ATRNL1: variants seen among roughly 807,000 people sequenced by gnomAD.
ATRNL1 encodes attractin-like protein 1.
A neutral mutation model predicts 182.7 loss-of-function variants in ATRNL1; 95 were observed. The observed-to-expected ratio is 0.52, with a 90% CI of 0.44 to 0.62. The LOEUF (loss-of-function observed/expected upper bound fraction) is 0.62, where lower values mean the gene tolerates loss of function less well. Ranked by LOEUF, ATRNL1 falls within the 20% of genes least tolerant of loss-of-function variation. The pLI, the probability that ATRNL1 is intolerant of heterozygous loss-of-function variation, is 0.00. For synonymous variants in ATRNL1, 576 were observed against 568.3 expected, an observed-to-expected ratio of 1.01 and a Z score of -0.19; for missense variants, 1,471 against 1,679.5, an observed-to-expected ratio of 0.88 and a Z score of 2.17.
At chr10:115,867,772 C>G (rs1555105100) in intron 28 of ATRNL1, among the ~76,000 whole-genome samples, 1 of 147,992 alleles carries the variant, frequency 6.8e-6, no homozygotes, top group East Asian at 2.0e-4. Context: ...AAGTCTCACT[C>G]TGTCGCCCAG....
intron 26 of ATRNL1, among the ~76,000 whole-genome samples, chr10:115,558,103 T>C (rs531390982): frequency 1.3e-5 from 2 of 152,082 alleles, no homozygotes; most frequent in East Asian, 3.9e-4. Flanking sequence ...GGAAATAGTT[T>C]TAAGTGCATA....
Position 115,126,562 on chromosome 10 carries a change from A to G in ATRNL1, c.492-1031A>G, listed in dbSNP as rs118176837. 5.1e-3 allele frequency among the ~76,000 whole-genome samples: 783 copies of G among 152,328 alleles called. 4 individuals carry two copies. The highest frequency in any genetic ancestry group is 0.016 in the South Asian group (79 of 4,828). On this transcript the variant is annotated intron_variant, in intron 3 of 28. Transcript: ENST00000355044. ...ATTTGTTGCTTCACAAACATAACCT[A>G]GTAGATGTAATAATAATTACTAAAG...
intron 26 of ATRNL1, among the ~76,000 whole-genome samples, chr10:115,721,780 A>G (rs1947434251): frequency 6.6e-6 from 1 of 152,170 alleles, no homozygotes; most frequent in Non-Finnish European, 1.5e-5. Context: ...ATTTTAGAGG[A>G]TATTTTGAAA....
At chr10:115,327,877 T>C (rs996017583) in intron 18 of ATRNL1, among the ~76,000 whole-genome samples, 34 of 151,878 alleles carry the variant, frequency 2.2e-4, no homozygotes, top group Non-Finnish European at 4.1e-4. Context: ...TAGGTGGGAA[T>C]TGAACAATGA....
At chr10:115,589,967 T>C (rs1429216090) in intron 26 of ATRNL1, among the ~76,000 whole-genome samples, 1 of 152,184 alleles carries the variant, frequency 6.6e-6, no homozygotes, top group Non-Finnish European at 1.5e-5. Flanking sequence ...CAGCTTTGTG[T>C]TGGTTGTCTG....
rs535893436 is a variant in ATRNL1, at chr10:115,531,660, T to C, written c.3716+12336T>C. ...AGATCCCATTTGTCAATTTTGGCTT[T>C]TGTTGCCATTGCTTTTGGTGTTTTA... On this transcript the variant is annotated intron_variant, in intron 25 of 28. Transcript: ENST00000355044. 1.1e-4 allele frequency among the ~76,000 whole-genome samples: 16 copies of C among 150,896 alleles called. No individual in the cohort carries two copies. The South Asian group carries it at 1.1e-3, about 10-fold the overall frequency.
At chr10:115,582,112 T>C (rs1239732927) in intron 26 of ATRNL1, among the ~76,000 whole-genome samples, 3 of 152,178 alleles carry the variant, frequency 2.0e-5, no homozygotes, top group East Asian at 3.9e-4. Flanking sequence ...CCATGGTGTA[T>C]GTGTGCCACA....
intron 19 of ATRNL1, among the ~76,000 whole-genome samples, chr10:115,334,816 T>C (rs1304598255): frequency 6.6e-6 from 1 of 152,146 alleles, no homozygotes; most frequent in Non-Finnish European, 1.5e-5. Flanking sequence ...AGATTTTTAT[T>C]GCACAGGGTG....
chr10:115,204,031 A>T (rs911125765), intron 8 of ATRNL1, among the ~76,000 whole-genome samples: 1 of 151,822 alleles, frequency 6.6e-6, no homozygotes, highest in African/African-American at 2.4e-5. Flanking sequence ...ATCCTTGCTT[A>T]TTTTTGAGTA....
chr10:115,677,792 C>T (rs1394286426), intron 26 of ATRNL1, among the ~76,000 whole-genome samples: 1 of 152,036 alleles, frequency 6.6e-6, no homozygotes, highest in African/African-American at 2.4e-5. Flanking sequence ...AGGGGGCTTA[C>T]CTATCTAGGT....
At chr10:115,621,968 G>A (rs1374143027) in intron 26 of ATRNL1, among the ~76,000 whole-genome samples, 1 of 152,188 alleles carries the variant, frequency 6.6e-6, no homozygotes, top group East Asian at 1.9e-4. Flanking sequence ...GGGCATCTTG[G>A]CCTGAGAGGA....
At chr10:115,194,259 G>A (rs1256388884) in intron 8 of ATRNL1, among the ~76,000 whole-genome samples, 2 of 151,960 alleles carry the variant, frequency 1.3e-5, no homozygotes, top group African/African-American at 4.8e-5. Context: ...TTGATTTTCT[G>A]TCTGGATGAT....
chr10:115,135,504 G>A (rs11197076), intron 5 of ATRNL1, among the ~76,000 whole-genome samples: 3,779 of 152,132 alleles, frequency 0.025, 156 homozygotes, highest in African/African-American at 0.086. Context: ...CTTCAAGGAG[G>A]ACTACAAACC....
intron 20 of ATRNL1, among the ~76,000 whole-genome samples, chr10:115,417,301 C>T (rs920263323): frequency 6.6e-6 from 1 of 152,254 alleles, no homozygotes; most frequent in Non-Finnish European, 1.5e-5. Flanking sequence ...TCCTGTGGCT[C>T]GACTCCAGCC....
At chr10:115,883,264 C>T (rs947252247) in intron 28 of ATRNL1, among the ~76,000 whole-genome samples, 11 of 152,222 alleles carry the variant, frequency 7.2e-5, no homozygotes, top group Admixed American at 6.5e-4. Flanking sequence ...CACTATCCTT[C>T]CCACTCCATC....
chr10:115,664,095 T>G (rs1386669122), intron 26 of ATRNL1, among the ~76,000 whole-genome samples: 1 of 152,116 alleles, frequency 6.6e-6, no homozygotes, highest in African/African-American at 2.4e-5. Flanking sequence ...ATTCCTGTTC[T>G]CATTGAGACT....
intron 28 of ATRNL1, among the ~76,000 whole-genome samples, chr10:115,919,058 A>G (rs559777094): frequency 6.6e-6 from 1 of 152,372 alleles, no homozygotes; most frequent in Admixed American, 6.5e-5. Flanking sequence ...CTTCGCAGAC[A>G]TAACCCCATA....
At chr10:115,855,076 C>T (rs1045409966) in intron 28 of ATRNL1, among the ~76,000 whole-genome samples, 7 of 152,230 alleles carry the variant, frequency 4.6e-5, no homozygotes, top group African/African-American at 1.7e-4. Flanking sequence ...ACCTGCACAG[C>T]ACCACTGGCT....
chr10:115,720,338 T>C (rs1313733472), intron 26 of ATRNL1, among the ~76,000 whole-genome samples: 2 of 152,210 alleles, frequency 1.3e-5, no homozygotes, highest in Non-Finnish European at 2.9e-5. Flanking sequence ...TATGTAAAGA[T>C]AAGGAAGATT....
Sources: allele counts gnomAD v4.1 joint callset (sites outside exome capture counted in the v4.1 genomes callset), GRCh38; gene constraint gnomAD v4.1.1; transcripts MANE v1.5; gene names NCBI Gene and HGNC (gene_info 2026-07-23, HGNC 2026-07-21).